Variants in SLF1 observed in about 807,000 individuals in gnomAD.
SLF1 encodes SMC5-SMC6 complex localization factor protein 1.
Under a neutral mutation model 123.0 loss-of-function variants are expected in SLF1, and 105 were observed. The ratio of observed to expected loss-of-function variants is 0.85; its 90% CI spans 0.73 to 1.00. The LOEUF is 1.00. SLF1 is among the 50% of genes least tolerant of loss of function. The pLI, the probability that SLF1 is intolerant of heterozygous loss-of-function variation, is 0.00. For synonymous variants in SLF1, 434 were observed against 406.6 expected (o/e 1.07, Z -0.81); for missense variants, 1,239 against 1,223.0 (o/e 1.01, Z -0.20).
chr5:94,644,288 CT>C (rs1321964588), intron 5 of SLF1, among the ~76,000 whole-genome samples: 2 of 152,078 alleles, frequency 1.3e-5, no homozygotes, highest in Non-Finnish European at 2.9e-5. Context: ...CCTAGTTACT[CT>C]TTCTTTTTCC....
intron 9 of SLF1, among the ~76,000 whole-genome samples, chr5:94,659,498 A>G (rs371900722): frequency 1.3e-5 from 2 of 152,048 alleles, no homozygotes; most frequent in African/African-American, 2.4e-5. Flanking sequence ...GGTTTTTTCT[A>G]TAGTTGTATC....
chr5:94,654,251 A>G (rs1017358902), intron 8 of SLF1, among the ~76,000 whole-genome samples: 2 of 152,182 alleles, frequency 1.3e-5, no homozygotes, highest in Admixed American at 1.3e-4. Flanking sequence ...GGAAAATGAT[A>G]AAGGTAAATA....
chr5:94,681,641 TC>T (rs1416315603), intron 15 of SLF1, among the ~76,000 whole-genome samples: 1 of 94,774 alleles, frequency 1.1e-5, no homozygotes, highest in Non-Finnish European at 2.1e-5. Flanking sequence ...ATGCTAACCC[TC>T]CCCCCTCCCC....
intron 16 of SLF1, among the ~76,000 whole-genome samples, chr5:94,688,032 ATATTAATATCTTTAGATATTAGT>A (rs1752650684): frequency 2.4e-5 from 3 of 126,638 alleles, no homozygotes; most frequent in Admixed American, 2.2e-4. Context: ...CTATCTTTAG[ATATTAATATCTTTAGATATTAGT>A]CAAATTCTGT....
intron 9 of SLF1, 47 bp downstream of exon 9, chr5:94,654,799 G>T (rs1471719277): frequency 2.9e-6 from 4 of 1,370,020 alleles, no homozygotes; most frequent in Non-Finnish European, 3.8e-6. Context: ...GTGTCTTACT[G>T]TAGTGTATTC....
At chr5:94,681,997 A>G (rs1424336822) in intron 15 of SLF1, among the ~76,000 whole-genome samples, 1 of 152,134 alleles carries the variant, frequency 6.6e-6, no homozygotes, top group Admixed American at 6.5e-5. Context: ...AGGCTAAGCA[A>G]CCAACTGTGC....
chr5:94,662,389 G>T (rs1264487892), intron 10 of SLF1, 38 bp downstream of exon 10: 2 of 1,482,930 alleles, frequency 1.3e-6, no homozygotes, highest in Non-Finnish European at 9.1e-7. Flanking sequence ...TGGGGGCAAA[G>T]AAGAAGTTTT....
intron 9 of SLF1, among the ~76,000 whole-genome samples, chr5:94,660,953 G>T (rs963053506): frequency 6.6e-6 from 1 of 152,040 alleles, no homozygotes; most frequent in Non-Finnish European, 1.5e-5. Context: ...TGGCCACCTA[G>T]TTGCATTGTT....
intron 4 of SLF1, among the ~76,000 whole-genome samples, chr5:94,640,676 A>G (rs1746342666): frequency 6.6e-6 from 1 of 152,148 alleles, no homozygotes; most frequent in African/African-American, 2.4e-5. Flanking sequence ...TTTTTTAAAA[A>G]AAAATTTTTA....
At chr5:94,622,061 G>A (rs1156999963) in intron 1 of SLF1, among the ~76,000 whole-genome samples, 2 of 152,068 alleles carry the variant, frequency 1.3e-5, no homozygotes. Context: ...ATTTCTAAAC[G>A]CCACTTGTAG....
chr5:94,658,838 A>G (rs1485255924), intron 9 of SLF1, among the ~76,000 whole-genome samples: 1 of 152,000 alleles, frequency 6.6e-6, no homozygotes, highest in African/African-American at 2.4e-5. Flanking sequence ...CTGTTATTTC[A>G]AAAGACCTGT....
chr5:94,673,845 T>C (rs866532304), intron 14 of SLF1, among the ~76,000 whole-genome samples: 3 of 152,214 alleles, frequency 2.0e-5, no homozygotes, highest in African/African-American at 7.2e-5. Context: ...TTTTTTTTTT[T>C]CTAAATCAGC....
chr5:94,684,351 G>C (rs1481295540), intron 15 of SLF1, among the ~76,000 whole-genome samples: 2 of 152,150 alleles, frequency 1.3e-5, no homozygotes, highest in African/African-American at 4.8e-5. Context: ...CAGAGCCTCA[G>C]TAGTAGCAAG....
At chr5:94,654,096 G>A (rs547541728) in intron 8 of SLF1, among the ~76,000 whole-genome samples, 12 of 152,190 alleles carry the variant, frequency 7.9e-5, no homozygotes, top group East Asian at 1.9e-4. Flanking sequence ...CTTGAGCCTC[G>A]GAGGCAGAGG....
chr5:94,649,517 GAAAC>G lies in SLF1; in HGVS notation c.666_669del (p.Asn222LysfsTer12), dbSNP rs762331554. The G allele has an allele frequency of 7.1e-6, 11 of 1,543,576 alleles. No individual in the cohort carries two copies. The highest frequency in any genetic ancestry group is 8.8e-6 in the Non-Finnish European group (10 of 1,141,336). On this transcript the variant is annotated frameshift_variant, in exon 6 of 21. Coordinates refer to ENST00000265140, the MANE Select transcript of SLF1 (RefSeq NM_032290.4). LOFTEE classifies it high-confidence loss of function. ...TGTTTGGACTGAACATAGCAATGAA[GAAAC>G]AAACAAAGATTTCAGGAAAGATGCA...
At position 94,618,684 on chromosome 5, in the gene SLF1, C is replaced by A. The variant is rs1056580606; in HGVS notation, c.-82C>A. The A allele has an allele frequency of 2.6e-4, 40 of 154,888 alleles. No individual in the cohort carries two copies. Among genetic ancestry groups the A allele is most frequent in the Admixed American group, 2.5e-3 (39 of 15,304 alleles). The allele number at this position is 154,888 out of a possible 1,614,324, so 9.6% of individuals were successfully genotyped here. ...GAAATTGTTTCCCAGAGCCCGGATTCGTGAAGCAGTTGAGTGCTGCAGCGG... is the reference window on the plus strand; with the variant it reads ...GAAATTGTTTCCCAGAGCCCGGATTAGTGAAGCAGTTGAGTGCTGCAGCGG... On this transcript the variant is annotated 5_prime_UTR_variant, in exon 1 of 21. Coordinates refer to ENST00000265140, the MANE Select transcript of SLF1 (RefSeq NM_032290.4).
At chr5:94,648,883 A>C (rs1740678351) in intron 5 of SLF1, among the ~76,000 whole-genome samples, 1 of 152,254 alleles carries the variant, frequency 6.6e-6, no homozygotes, top group African/African-American at 2.4e-5. Flanking sequence ...GTATGTATGC[A>C]ATGAATTTTA....
intron 16 of SLF1, 127 bp from the exon 17 acceptor site, chr5:94,688,379 T>C (rs1376519317): frequency 1.1e-6 from 1 of 904,866 alleles, no homozygotes; most frequent in Non-Finnish European, 1.6e-6. Context: ...TCAACCAAGA[T>C]AGAGTGGCAA....
chr5:94,681,510 A>C (rs148782911), intron 15 of SLF1, among the ~76,000 whole-genome samples: 201 of 152,210 alleles, frequency 1.3e-3, no homozygotes, highest in African/African-American at 4.7e-3. Context: ...ATTTATTACT[A>C]TTATACTTTA....
Sources: gnomAD v4.1 joint callset for allele counts (sites outside exome capture counted in the v4.1 genomes callset) on GRCh38, gnomAD v4.1.1 for gene constraint, MANE v1.5 for transcripts, NCBI Gene and HGNC (gene_info 2026-07-23, HGNC 2026-07-21) for gene names.